AVEN: variants seen among roughly 807,000 people sequenced by gnomAD.
The protein encoded by AVEN is cell death regulator Aven.
AVEN carries 41 observed loss-of-function variants against 38.1 expected under a neutral mutation model. The observed-to-expected ratio is 1.08, with a 90% CI of 0.84 to 1.40. AVEN has a LOEUF of 1.40. Among genes scored for constraint, AVEN ranks in the 40% most tolerant of loss-of-function variants. The pLI, the probability that AVEN is intolerant of heterozygous loss-of-function variation, is 0.00. For synonymous variants in AVEN, 206 were observed against 171.8 expected, an observed-to-expected ratio of 1.20 and a Z score of -1.56; for missense variants, 605 against 438.8, an observed-to-expected ratio of 1.38 and a Z score of -3.38.
chr15:34,023,227 C>T (rs1305850315), intron 1 of AVEN, among the ~76,000 whole-genome samples: 1 of 152,084 alleles, frequency 6.6e-6, no homozygotes, highest in African/African-American at 2.4e-5. Flanking sequence ...CCCTCTCATC[C>T]CCCACTCAGG....
At chr15:33,857,932 G>A, downstream of AVEN, 1 of 1,379,706 alleles carries the variant, frequency 7.2e-7, no homozygotes, top group African/African-American at 3.6e-5. Flanking sequence ...CCCACCCACT[G>A]CGGGGCCAGC....
In AVEN at chr15:34,066,698, C is replaced by T. The variant is rs117082220; in HGVS notation, n.898G>A. 7.6e-3 allele frequency: 1,154 copies of T among 152,016 alleles called. 7 individuals are homozygous for T. The highest frequency in any genetic ancestry group is 0.014 in the Non-Finnish European group (921 of 67,990). The allele number at this position is 152,016 out of a possible 1,614,324, so 9.4% of individuals were successfully genotyped here. On this transcript the variant is annotated non_coding_transcript_exon_variant, in exon 3 of 12. Transcript: ENST00000675287. ...GGCATCGTAGTGTGTGCCTGTAGAC[C>T]CAGCTACTTCAGAGGTTGAAGCAGG...
intron 2 of AVEN, among the ~76,000 whole-genome samples, chr15:33,937,489 C>T (rs1467243222): frequency 4.6e-5 from 7 of 151,568 alleles, no homozygotes; most frequent in Non-Finnish European, 1.0e-4. Context: ...GCCGAGATCA[C>T]GCCACTGCAC....
chr15:33,907,297 C>G (rs957819484), intron 2 of AVEN, among the ~76,000 whole-genome samples: 2 of 152,186 alleles, frequency 1.3e-5, no homozygotes, highest in African/African-American at 2.4e-5. Flanking sequence ...TCCTCTCTCT[C>G]AGGCAATGTT....
chr15:34,024,412 G>A (rs1219101569), intron 1 of AVEN, among the ~76,000 whole-genome samples: 4 of 150,458 alleles, frequency 2.7e-5, no homozygotes, highest in South Asian at 4.2e-4. Flanking sequence ...CATTTTGGGA[G>A]GCCAAGGCCA....
chr15:33,983,811 A>G (rs1597310307), intron 2 of AVEN, among the ~76,000 whole-genome samples: 1 of 152,092 alleles, frequency 6.6e-6, no homozygotes, highest in East Asian at 1.9e-4. Flanking sequence ...AAGTGATCAG[A>G]GTTAACATCA....
chr15:34,019,635 T>C (rs1339726546), intron 1 of AVEN, among the ~76,000 whole-genome samples: 1 of 152,214 alleles, frequency 6.6e-6, no homozygotes, highest in Non-Finnish European at 1.5e-5. Flanking sequence ...TACACAGTAA[T>C]TTTACTGTAC....
At chr15:33,857,890 T>C (rs113189230), downstream of AVEN, 3,879 of 1,614,152 alleles carry the variant, frequency 2.4e-3, 82 homozygotes, top group African/African-American at 0.046. Flanking sequence ...ACGAGCCCGA[T>C]ATGAAGTGCG....
chr15:34,063,076 A>G lies in AVEN; in HGVS notation n.1483T>C. 6.2e-7 allele frequency: 1 copy of G among 1,613,988 alleles called. No homozygotes were observed. The highest frequency in any genetic ancestry group is 8.5e-7 in the Non-Finnish European group (1 of 1,179,996). On this transcript the variant is annotated non_coding_transcript_exon_variant, in exon 5 of 12. Coordinates refer to the AVEN transcript ENST00000675287. The surrounding 1 kb of genome is among the most constrained non-coding windows in gnomAD (Gnocchi z 4.1). ...GTGGCCAGCAACGCTTCTGTCATGA[A>G]CCTTCTGGTGATCAGTTTTGACCGT...
intron 1 of AVEN, among the ~76,000 whole-genome samples, chr15:34,015,404 C>T (rs1897848081): frequency 6.6e-6 from 1 of 152,068 alleles, no homozygotes; most frequent in Non-Finnish European, 1.5e-5. Flanking sequence ...ATAGCGTGAA[C>T]CCGGGAGGCG....
intron 1 of AVEN, among the ~76,000 whole-genome samples, chr15:34,015,565 T>C (rs1006365762): frequency 1.3e-5 from 2 of 152,210 alleles, no homozygotes; most frequent in Admixed American, 6.5e-5. Flanking sequence ...TAGGATAATT[T>C]GGGAAATTAA....
chr15:33,867,904 TTGGCTTAAG>T (rs753388172), intron 4 of AVEN, 49 bp from the exon 5 acceptor site: 2 of 1,519,266 alleles, frequency 1.3e-6, no homozygotes, highest in East Asian at 4.5e-5. Flanking sequence ...TCTTGCCATA[TTGGCTTAAG>T]TAAATACATA....
intron 5 of AVEN, among the ~76,000 whole-genome samples, chr15:34,060,611 T>G (rs1900301132): frequency 1.3e-5 from 2 of 152,118 alleles, no homozygotes; most frequent in Non-Finnish European, 2.9e-5. Flanking sequence ...CACGGTGGCT[T>G]TCGCCTGTAA....
At chr15:33,854,995 C>G (rs762407579), downstream of AVEN, 2 of 1,324,696 alleles carry the variant, frequency 1.5e-6, no homozygotes, top group South Asian at 1.9e-5. Flanking sequence ...CAGTATATGA[C>G]AGGAAGGAAT....
At chr15:33,873,418 TCACTGGTCACACTGAGGA>T (rs141404985) in intron 3 of AVEN, among the ~76,000 whole-genome samples, 7,604 of 149,876 alleles carry the variant, frequency 0.051, 258 homozygotes, top group African/African-American at 0.072. Context: ...TTGTCTTGCG[TCACTGGTCACACTGAGGA>T]CATGGGATGG....
At chr15:34,028,438 T>A (rs2140748416) in intron 1 of AVEN, among the ~76,000 whole-genome samples, 1 of 152,184 alleles carries the variant, frequency 6.6e-6, no homozygotes, top group East Asian at 1.9e-4. Flanking sequence ...GTGGCACACA[T>A]CTATTTGGTC....
At chr15:33,906,774 G>A (rs1892716429) in intron 2 of AVEN, among the ~76,000 whole-genome samples, 1 of 152,120 alleles carries the variant, frequency 6.6e-6, no homozygotes, top group Non-Finnish European at 1.5e-5. Flanking sequence ...TAGAATTTCA[G>A]TTTAGGAAAA....
chr15:34,046,205 T>G (rs1899674412), intron 5 of AVEN, among the ~76,000 whole-genome samples: 1 of 152,164 alleles, frequency 6.6e-6, no homozygotes, highest in Non-Finnish European at 1.5e-5. Context: ...AACTCAGTTT[T>G]CATACTCAAC....
At position 33,870,943 on chromosome 15, in the gene AVEN, G is replaced by C. The variant is rs1391061335; in HGVS notation, c.604C>G (p.Leu202Val). ...GGCTTCGGGATTTTTACCTGGACCA[G>C]TTCGGCAGCAACGTTGAGTCGGAGG... ...LCLRLNVAAELVQGTVPLEVP... is the reference protein window; with the variant it reads ...LCLRLNVAAEVVQGTVPLEVP... Residue 202 changes from leucine (L) to valine (V), a missense_variant, in exon 4 of 6, where the codon CTG becomes GTG. Leu to Val is a conservative substitution (Grantham distance 32, BLOSUM62 1). Coordinates refer to ENST00000306730, the MANE Select transcript of AVEN (RefSeq NM_020371.3). The C allele has an allele frequency of 2.5e-6, 4 of 1,610,936 alleles. No individual in the cohort carries two copies. The highest frequency in any genetic ancestry group is 1.7e-5 in the Admixed American group (1 of 59,888).
Sources: allele counts gnomAD v4.1 joint callset (sites outside exome capture counted in the v4.1 genomes callset), GRCh38; gene constraint gnomAD v4.1.1; non-coding constraint Gnocchi (gnomAD v3.1); transcripts MANE v1.5; gene names NCBI Gene and HGNC (gene_info 2026-07-23, HGNC 2026-07-21).